The following TCF20 variants were observed in gnomAD, a reference collection of about 807,000 sequenced individuals.
TCF20 encodes SPRE-binding protein.
TCF20 carries 3 observed loss-of-function variants against 148.6 expected under a neutral mutation model. The observed-to-expected ratio is 0.02, with a 90% confidence interval of 0.01 to 0.05. The LOEUF is 0.05. Ranked by LOEUF, TCF20 falls within the 10% of genes least tolerant of loss-of-function variation. The pLI, the probability that TCF20 is intolerant of heterozygous loss-of-function variation, is 1.00. For synonymous variants in TCF20, 1,049 were observed against 909.5 expected (o/e 1.15, Z -2.76); for missense variants, 2,350 against 2,429.3 (o/e 0.97, Z 0.69).
intron 1 of TCF20, among the ~76,000 whole-genome samples, chr22:42,264,129 C>T (rs1027186224): frequency 1.3e-5 from 2 of 151,954 alleles, no homozygotes; most frequent in Non-Finnish European, 1.5e-5. Context: ...CTTTCTGATC[C>T]GCACAGTTCC....
At chr22:42,252,923 A>G (rs548438642) in intron 1 of TCF20, among the ~76,000 whole-genome samples, 78 of 152,240 alleles carry the variant, frequency 5.1e-4, no homozygotes, top group African/African-American at 1.8e-3. Flanking sequence ...TATTTAATTT[A>G]GTAGAGTCAA....
intron 1 of TCF20, among the ~76,000 whole-genome samples, chr22:42,240,331 T>C (rs888263865): frequency 1.3e-5 from 2 of 152,150 alleles, no homozygotes; most frequent in Non-Finnish European, 2.9e-5. Flanking sequence ...ACCCAAACAA[T>C]TCAGGCATCT....
At chr22:42,173,594 A>G (rs562686032) in intron 3 of TCF20, among the ~76,000 whole-genome samples, 9 of 152,352 alleles carry the variant, frequency 5.9e-5, no homozygotes, top group Admixed American at 1.3e-4. Flanking sequence ...TTATGATTAG[A>G]AAGAAAAGTC....
chr22:42,321,930 G>C (rs1927740163), intron 1 of TCF20, among the ~76,000 whole-genome samples: 1 of 150,724 alleles, frequency 6.6e-6, no homozygotes, highest in Admixed American at 6.6e-5. Flanking sequence ...CTGGGTGACA[G>C]AGCGAGACTC....
In TCF20 at chr22:42,339,160, C is replaced by T. The variant is rs112328535; in HGVS notation, c.-37+4319G>A. 2.2e-3 allele frequency among the ~76,000 whole-genome samples: 333 copies of T among 152,336 alleles called. 2 individuals are homozygous for T. The highest frequency in any genetic ancestry group is 7.5e-3 in the African/African-American group (310 of 41,578). ...CGAAGCCACAGGGGCAGTCGCTGCA[C>T]CCAAGGCTCAGACTCCTGGCCTAGC... is the stretch of plus-strand genomic sequence containing the variant. On this transcript the variant is annotated intron_variant, in intron 1 of 1. Coordinates refer to the TCF20 transcript ENST00000515426.
At chr22:42,203,174 T>A (rs1938157263) in intron 2 of TCF20, among the ~76,000 whole-genome samples, 1 of 152,172 alleles carries the variant, frequency 6.6e-6, no homozygotes, top group South Asian at 2.1e-4. Context: ...ATTTTGAGAC[T>A]AGGTCATTAA....
At chr22:42,181,261 G>A (rs1167221464) in intron 2 of TCF20, among the ~76,000 whole-genome samples, 2 of 152,148 alleles carry the variant, frequency 1.3e-5, no homozygotes, top group African/African-American at 2.4e-5. Context: ...TTGGCTCACT[G>A]CAACCTCTGC....
At chr22:42,165,615 G>C (rs1320187178) in intron 5 of TCF20, among the ~76,000 whole-genome samples, 1 of 152,228 alleles carries the variant, frequency 6.6e-6, no homozygotes, top group African/African-American at 2.4e-5. Context: ...TGGGAGGCAG[G>C]GGCGGCATCT....
At chr22:42,215,878 ACT>A (rs946333353) in intron 1 of TCF20, among the ~76,000 whole-genome samples, 101 of 152,024 alleles carry the variant, frequency 6.6e-4, no homozygotes, top group African/African-American at 2.3e-3. Context: ...GAAAAGCAGC[ACT>A]CTGAGTGCAT....
At chr22:42,174,061 A>G (rs887377978) in intron 3 of TCF20, among the ~76,000 whole-genome samples, 1 of 152,168 alleles carries the variant, frequency 6.6e-6, no homozygotes, top group African/African-American at 2.4e-5. Flanking sequence ...GGCTGGGGTG[A>G]CAACCTGGGC....
intron 1 of TCF20, among the ~76,000 whole-genome samples, chr22:42,231,263 G>A (rs1200859712): frequency 6.6e-6 from 1 of 152,050 alleles, no homozygotes; most frequent in Admixed American, 6.5e-5. Context: ...AGAAAGGATT[G>A]CTTGATGCCA....
chr22:42,190,127 G>T (rs1217436182), intron 2 of TCF20, among the ~76,000 whole-genome samples: 1 of 152,092 alleles, frequency 6.6e-6, no homozygotes, highest in African/African-American at 2.4e-5. Context: ...CACGGTGGGG[G>T]TATCTTCTGC....
intron 1 of TCF20, among the ~76,000 whole-genome samples, chr22:42,239,692 G>A (rs1011695338): frequency 6.6e-6 from 1 of 152,134 alleles, no homozygotes; most frequent in Non-Finnish European, 1.5e-5. Context: ...CGAGGCTGAG[G>A]GGGAGAATCG....
At chr22:42,195,433 C>T (rs1937542161) in intron 2 of TCF20, among the ~76,000 whole-genome samples, 1 of 151,876 alleles carries the variant, frequency 6.6e-6, no homozygotes, top group Admixed American at 6.6e-5. Flanking sequence ...TTAACATCTC[C>T]TTAAATTTTT....
At chr22:42,236,663 T>G (rs1426500184) in intron 1 of TCF20, among the ~76,000 whole-genome samples, 1 of 152,162 alleles carries the variant, frequency 6.6e-6, no homozygotes, top group Non-Finnish European at 1.5e-5. Context: ...CCTGCAATCC[T>G]AAATTTTGAA....
At chr22:42,179,288 T>A (rs1254417829) in intron 3 of TCF20, among the ~76,000 whole-genome samples, 1 of 151,516 alleles carries the variant, frequency 6.6e-6, no homozygotes, top group Non-Finnish European at 1.5e-5. Flanking sequence ...AGCAGCATTA[T>A]TCATAACAGT....
At chr22:42,341,006 C>T (rs981481479) in intron 1 of TCF20, among the ~76,000 whole-genome samples, 8 of 152,028 alleles carry the variant, frequency 5.3e-5, no homozygotes, top group Non-Finnish European at 8.8e-5. Context: ...CGCGGAGCTG[C>T]GGGGCGCGCA....
At chr22:42,304,383 G>A (rs1396343882) in intron 1 of TCF20, among the ~76,000 whole-genome samples, 1 of 152,108 alleles carries the variant, frequency 6.6e-6, no homozygotes, top group Non-Finnish European at 1.5e-5. Context: ...GATGCAGGAA[G>A]GGACTCCTGG....
intron 3 of TCF20, among the ~76,000 whole-genome samples, chr22:42,170,647 A>AAAAAAAAAAAAAAAAAAAC (rs1936079333): frequency 7.4e-6 from 1 of 135,352 alleles, no homozygotes; most frequent in Non-Finnish European, 1.6e-5. Flanking sequence ...AAAAAAAAAA[A>AAAAAAAAAAAAAAAAAAAC]AAAAAAAAGA....
Sources: allele counts gnomAD v4.1 joint callset (sites outside exome capture counted in the v4.1 genomes callset), GRCh38; gene constraint gnomAD v4.1.1; transcripts MANE v1.5; gene names NCBI Gene and HGNC (gene_info 2026-07-23, HGNC 2026-07-21).